Variants in RBFOX1 observed in about 807,000 individuals in gnomAD.
The protein encoded by RBFOX1 is RNA binding fox-1 homolog 1, also known as RNA binding protein fox-1 homolog 1.
Under a neutral mutation model 57.7 loss-of-function variants are expected in RBFOX1, and 8 were observed. The ratio of observed to expected loss-of-function variants is 0.14; its 90% CI spans 0.08 to 0.25. The LOEUF is 0.25. Ranked by LOEUF, RBFOX1 falls within the 10% of genes least tolerant of loss-of-function variation. RBFOX1 has a pLI of 1.00. For synonymous variants in RBFOX1, 326 were observed against 222.4 expected (o/e 1.47, Z -4.15); for missense variants, 611 against 548.5 (o/e 1.11, Z -1.14).
chr16:7,524,861 T>G (rs890387728), intron 5 of RBFOX1, among the ~76,000 whole-genome samples: 1 of 152,248 alleles, frequency 6.6e-6, no homozygotes, highest in Non-Finnish European at 1.5e-5. Context: ...ATGGAATCAC[T>G]AAGGTATAGG....
chr16:6,733,528 A>C (rs2069215986), intron 3 of RBFOX1, among the ~76,000 whole-genome samples: 1 of 152,188 alleles, frequency 6.6e-6, no homozygotes, highest in African/African-American at 2.4e-5. Context: ...TTTATAATGA[A>C]CCATTTAATA....
chr16:6,287,526 G>C (rs552391592), intron 1 of RBFOX1, among the ~76,000 whole-genome samples: 1 of 152,100 alleles, frequency 6.6e-6, no homozygotes, highest in South Asian at 2.1e-4. Flanking sequence ...GGTTCATGAG[G>C]CTCATCTAGC....
At chr16:6,839,821 C>T (rs1005735563) in intron 3 of RBFOX1, among the ~76,000 whole-genome samples, 1 of 152,180 alleles carries the variant, frequency 6.6e-6, no homozygotes, top group Non-Finnish European at 1.5e-5. Flanking sequence ...ACTTCGTGTA[C>T]TCATAGCTAT....
At chr16:6,000,442 C>T (rs567846866) in intron 4 of RBFOX1, among the ~76,000 whole-genome samples, 2 of 152,274 alleles carry the variant, frequency 1.3e-5, no homozygotes, top group South Asian at 4.1e-4. Flanking sequence ...AGGAAAGGGG[C>T]AGGTGGTGCT....
At chr16:7,615,211 T>C (rs2058234749) in intron 10 of RBFOX1, among the ~76,000 whole-genome samples, 1 of 152,104 alleles carries the variant, frequency 6.6e-6, no homozygotes, top group African/African-American at 2.4e-5. Flanking sequence ...CGGGCACCTG[T>C]AGTCCCAGCT....
chr16:5,686,691 GA>G (rs992084322), intron 3 of RBFOX1, among the ~76,000 whole-genome samples: 1 of 152,006 alleles, frequency 6.6e-6, no homozygotes. Flanking sequence ...GGTAATATGG[GA>G]AAAAAATGCC....
chr16:6,969,502 A>T (rs976990163), intron 3 of RBFOX1, among the ~76,000 whole-genome samples: 1 of 152,086 alleles, frequency 6.6e-6, no homozygotes, highest in Non-Finnish European at 1.5e-5. Flanking sequence ...CAGGAGGCCA[A>T]CGTAGGTGGA....
intron 3 of RBFOX1, among the ~76,000 whole-genome samples, chr16:6,770,054 A>G (rs576362503): frequency 1.3e-5 from 2 of 152,290 alleles, no homozygotes; most frequent in Admixed American, 1.3e-4. Flanking sequence ...ATGAGGAAAG[A>G]AATTAGAAAT....
intron 3 of RBFOX1, among the ~76,000 whole-genome samples, chr16:6,689,940 T>G (rs2059971975): frequency 1.3e-5 from 2 of 152,248 alleles, no homozygotes; most frequent in South Asian, 4.2e-4. Context: ...AACGAAGAGG[T>G]GTAAGAGTTG....
chr16:7,423,562 T>G (rs2098568131), intron 4 of RBFOX1, among the ~76,000 whole-genome samples: 1 of 152,118 alleles, frequency 6.6e-6, no homozygotes, highest in African/African-American at 2.4e-5. Context: ...GATTTCACAG[T>G]CCTACCCTCA....
At chr16:6,014,686 G>C (rs113718183), upstream of RBFOX1, among the ~76,000 whole-genome samples, 1 of 152,300 alleles carries the variant, frequency 6.6e-6, no homozygotes, top group East Asian at 1.9e-4. Flanking sequence ...TAAGTCTGAA[G>C]ACTGAGAACT....
intron 3 of RBFOX1, among the ~76,000 whole-genome samples, chr16:7,037,592 T>G (rs1218813771): frequency 1.3e-5 from 2 of 152,176 alleles, no homozygotes; most frequent in African/African-American, 4.8e-5. Flanking sequence ...TCAGTTTACT[T>G]TCTTGTAGTG....
intron 3 of RBFOX1, among the ~76,000 whole-genome samples, chr16:6,905,483 G>A (rs972398314): frequency 6.6e-6 from 1 of 151,472 alleles, no homozygotes; most frequent in Non-Finnish European, 1.5e-5. Context: ...AACCCGGGAG[G>A]CATAGGTTGC....
At chr16:5,272,339 T>G (rs971844141) in intron 1 of RBFOX1, among the ~76,000 whole-genome samples, 2 of 152,222 alleles carry the variant, frequency 1.3e-5, no homozygotes, top group Admixed American at 1.3e-4. Context: ...CAATTATGAT[T>G]TGTCAATTAA....
intron 4 of RBFOX1, among the ~76,000 whole-genome samples, chr16:7,182,260 C>T (rs371356410): frequency 3.9e-5 from 6 of 152,206 alleles, no homozygotes; most frequent in African/African-American, 1.4e-4. Context: ...GCTTTGTAAA[C>T]AGTGATGCTC....
chr16:6,694,477 G>T (rs1488196476), intron 3 of RBFOX1, among the ~76,000 whole-genome samples: 1 of 152,200 alleles, frequency 6.6e-6, no homozygotes, highest in Non-Finnish European at 1.5e-5. Flanking sequence ...AAATGTTGAT[G>T]ATCCAAACCT....
chr16:5,748,346 ATTC>A (rs2053064941), intron 3 of RBFOX1, among the ~76,000 whole-genome samples: 2 of 152,114 alleles, frequency 1.3e-5, no homozygotes, highest in Admixed American at 1.3e-4. Context: ...AAGAATGTAT[ATTC>A]TGTTGATTTG....
At chr16:7,055,389 A>T (rs904426018) in intron 4 of RBFOX1, among the ~76,000 whole-genome samples, 2 of 152,146 alleles carry the variant, frequency 1.3e-5, no homozygotes, top group Non-Finnish European at 2.9e-5. Flanking sequence ...TCCACCTCCC[A>T]GTTCCAGGGT....
intron 3 of RBFOX1, among the ~76,000 whole-genome samples, chr16:5,751,675 G>A (rs912190230): frequency 6.6e-6 from 1 of 152,154 alleles, no homozygotes; most frequent in African/African-American, 2.4e-5. Flanking sequence ...AGTGGTAGTG[G>A]TCCAGGAGAA....
Sources: gnomAD v4.1 joint callset for allele counts (sites outside exome capture counted in the v4.1 genomes callset) on GRCh38, gnomAD v4.1.1 for gene constraint, MANE v1.5 for transcripts, NCBI Gene and HGNC (gene_info 2026-07-23, HGNC 2026-07-21) for gene names.